The following HTR2C variants were observed in gnomAD, a reference collection of about 807,000 sequenced individuals.
HTR2C encodes the protein 5-hydroxytryptamine (serotonin) receptor 2C, G protein-coupled.
Under a neutral mutation model 21.0 loss-of-function variants are expected in HTR2C, and 5 were observed. The observed-to-expected ratio is 0.24, with a 90% CI of 0.12 to 0.50. The LOEUF (loss-of-function observed/expected upper bound fraction) is 0.50, where lower values mean the gene tolerates loss of function less well. Among genes scored for constraint, HTR2C ranks in the 20% least tolerant of loss-of-function variants. The pLI is 0.98. For missense variants in HTR2C, 271 were observed against 371.2 expected (o/e 0.73, Z 2.22); for synonymous variants, 150 against 145.3 (o/e 1.03, Z -0.23).
intron 2 of HTR2C, among the ~76,000 whole-genome samples, chrX:114,686,192 A>G (rs1305869948): frequency 1.8e-5 from 2 of 111,754 alleles, no homozygotes; most frequent in African/African-American, 6.5e-5. Flanking sequence ...TTATAATATG[A>G]AAATTCTTCA....
At chrX:114,771,460 C>T (rs781983891) in intron 4 of HTR2C, among the ~76,000 whole-genome samples, 2 of 111,481 alleles carry the variant, frequency 1.8e-5, no homozygotes, top group Non-Finnish European at 3.8e-5. Flanking sequence ...TACCCTGTTC[C>T]AAGGAGATTT....
intron 2 of HTR2C, among the ~76,000 whole-genome samples, chrX:114,619,577 T>C (rs1275389034): frequency 1.8e-5 from 2 of 111,058 alleles, no homozygotes; most frequent in Admixed American, 1.9e-4. Flanking sequence ...CTGTTGTGAA[T>C]ACTACCTTGC....
chrX:114,604,158 A>G (rs1474293237), intron 1 of HTR2C, among the ~76,000 whole-genome samples: 8 of 108,399 alleles, frequency 7.4e-5, no homozygotes, highest in Admixed American at 7.0e-4. Context: ...AGGTGGGGGG[A>G]TACAAGAGGA....
intron 4 of HTR2C, among the ~76,000 whole-genome samples, chrX:114,793,054 T>C (rs1413807886): frequency 2.7e-5 from 3 of 111,750 alleles, no homozygotes; most frequent in African/African-American, 9.7e-5. Context: ...TTTTCTCCCA[T>C]TCTGTAGGTG....
intron 1 of HTR2C, among the ~76,000 whole-genome samples, chrX:114,604,593 G>A (rs1244365604): frequency 9.0e-6 from 1 of 111,205 alleles, no homozygotes; most frequent in Non-Finnish European, 1.9e-5. Context: ...GATCTGGGAA[G>A]GAGTCAGTCA....
At chrX:114,860,805 C>T (rs1225542246) in intron 5 of HTR2C, among the ~76,000 whole-genome samples, 4 of 110,666 alleles carry the variant, frequency 3.6e-5, no homozygotes, top group African/African-American at 1.3e-4. Context: ...TTCCTCATGC[C>T]CACTTGTAAT....
intron 4 of HTR2C, among the ~76,000 whole-genome samples, chrX:114,754,483 G>A (rs953398151): frequency 6.3e-5 from 7 of 111,610 alleles, no homozygotes; most frequent in African/African-American, 2.3e-4. Flanking sequence ...AAAGAATTCA[G>A]AAATATACCC....
chrX:114,700,304 A>G (rs2147307345), intron 2 of HTR2C, among the ~76,000 whole-genome samples: 1 of 111,675 alleles, frequency 9.0e-6, no homozygotes, highest in South Asian at 3.7e-4. Flanking sequence ...TCATGTTCTA[A>G]AGTTTGATGG....
intron 5 of HTR2C, among the ~76,000 whole-genome samples, chrX:114,884,955 A>G (rs1432038437): frequency 1.8e-5 from 2 of 110,592 alleles, no homozygotes; most frequent in African/African-American, 6.6e-5. Context: ...ATGATATAGC[A>G]TATAATCCAG....
At chrX:114,599,928 C>T (rs1556393875) in intron 1 of HTR2C, among the ~76,000 whole-genome samples, 1 of 111,139 alleles carries the variant, frequency 9.0e-6, no homozygotes, top group African/African-American at 3.3e-5. Flanking sequence ...TATAGTATTA[C>T]TGAAGTTGTT....
intron 2 of HTR2C, among the ~76,000 whole-genome samples, chrX:114,642,328 G>A (rs1370507182): frequency 1.6e-4 from 18 of 111,840 alleles, no homozygotes; most frequent in Non-Finnish European, 3.2e-4. Context: ...TCTTCATTCA[G>A]GCAGTAATAA....
At chrX:114,826,752 A>T (rs782666833) in intron 4 of HTR2C, among the ~76,000 whole-genome samples, 1 of 111,224 alleles carries the variant, frequency 9.0e-6, no homozygotes, top group South Asian at 3.7e-4. Flanking sequence ...CTCAATTTTA[A>T]TCCAAAATCG....
At chrX:114,839,040 T>C (rs1433578462) in intron 4 of HTR2C, among the ~76,000 whole-genome samples, 1 of 112,391 alleles carries the variant, frequency 8.9e-6, no homozygotes, top group East Asian at 2.8e-4. Flanking sequence ...GAGGGAGTTA[T>C]AGGAAAATGA....
intron 4 of HTR2C, among the ~76,000 whole-genome samples, chrX:114,752,880 T>TC (rs2069774476): frequency 9.1e-6 from 1 of 110,414 alleles, no homozygotes; most frequent in African/African-American, 3.3e-5. Context: ...TCTAGGCTCA[T>TC]CTAAAAAAAA....
At chrX:114,880,539 C>T (rs2071172923) in intron 5 of HTR2C, among the ~76,000 whole-genome samples, 1 of 110,399 alleles carries the variant, frequency 9.1e-6, no homozygotes, top group African/African-American at 3.3e-5. Flanking sequence ...TTCATCACTG[C>T]AAGACAAACA....
intron 4 of HTR2C, among the ~76,000 whole-genome samples, chrX:114,806,300 CCATATATATACACTA>C (rs2070432114): frequency 1.0e-5 from 1 of 96,370 alleles, no homozygotes; most frequent in Admixed American, 1.2e-4. Context: ...TAGATACACA[CCATATATATACACTA>C]CATATATACA....
chrX:114,584,482 C>A lies in HTR2C; in HGVS notation c.-324C>A, dbSNP rs1927300294. ...AGGTCGACTCGCCGGCGCTTCCTAT[C>A]GCGCCGAGCTCCCTCCATTCCTCTC... On this transcript the variant is annotated 5_prime_UTR_variant, in exon 1 of 6. Transcript: ENST00000276198. The A allele has an allele frequency of 8.8e-6, 1 of 113,210 alleles. No homozygotes were observed. The highest frequency in any genetic ancestry group is 1.9e-5 in the Non-Finnish European group (1 of 53,340). The allele number at this position is 113,210 out of a possible 1,213,427, so 9.3% of individuals were successfully genotyped here.
At chrX:114,849,974 G>A (rs1405025632) in intron 5 of HTR2C, among the ~76,000 whole-genome samples, 1 of 112,074 alleles carries the variant, frequency 8.9e-6, no homozygotes, top group Non-Finnish European at 1.9e-5. Flanking sequence ...TGAATTATCA[G>A]ACATACACTT....
chrX:114,725,999 C>A (rs1288027182), intron 2 of HTR2C, among the ~76,000 whole-genome samples: 2 of 110,808 alleles, frequency 1.8e-5, no homozygotes, highest in Admixed American at 1.9e-4. Context: ...AGAGGTGGAG[C>A]CTACAGAGGC....
Sources: gnomAD v4.1 joint callset for allele counts (sites outside exome capture counted in the v4.1 genomes callset) on GRCh38, gnomAD v4.1.1 for gene constraint, MANE v1.5 for transcripts, NCBI Gene and HGNC (gene_info 2026-07-23, HGNC 2026-07-21) for gene names.